The following GLI2 variants were observed in gnomAD, a reference collection of about 807,000 sequenced individuals.
GLI2 encodes the protein transcription activator GLI2.
In GLI2, 22 loss-of-function variants were observed where a neutral mutation model predicts 78.9. That is an observed-to-expected ratio of 0.28 (90% CI 0.20 to 0.40). The LOEUF (loss-of-function observed/expected upper bound fraction) is 0.40, where lower values mean the gene tolerates loss of function less well. Ranked by LOEUF, GLI2 falls within the 10% of genes least tolerant of loss-of-function variation. GLI2 has a pLI of 1.00. For synonymous variants in GLI2, 974 were observed against 963.7 expected (o/e 1.01, Z -0.20); for missense variants, 2,097 against 2,213.2 (o/e 0.95, Z 1.05).
chr2:120,957,890 G>A (rs115552043), intron 5 of GLI2, among the ~76,000 whole-genome samples: 4 of 152,206 alleles, frequency 2.6e-5, no homozygotes, highest in Non-Finnish European at 4.4e-5. Context: ...AGCATCTAGC[G>A]GCTTGACCCA....
In GLI2 at chr2:120,812,113, G is replaced by A. The variant is rs373687548; in HGVS notation, c.148+14645G>A. Among the ~76,000 whole-genome samples the A allele has an allele frequency of 1.2e-4, 18 of 152,282 alleles. No individual in the cohort carries two copies. In the East Asian group the frequency reaches 2.7e-3, roughly 23 times the overall value. ...CTTGAGACAGGAACACTTTTCCCAG[G>A]GTTGTTGAAGCCACTGTCTCTCTCA... On this transcript the variant is annotated intron_variant, in intron 2 of 13. Coordinates refer to ENST00000361492, the MANE Select transcript of GLI2 (RefSeq NM_001374353.1).
chr2:120,990,263 A>G lies in GLI2; in HGVS notation c.4298A>G (p.Gln1433Arg). 1.2e-6 allele frequency: 2 copies of G among 1,613,732 alleles called. No individual in the cohort carries two copies. Among genetic ancestry groups the G allele is most frequent in the Non-Finnish European group, 8.5e-7 (1 of 1,180,024 alleles). Reference sequence around the variant, plus strand: ...CACAGCATGCTCTACTACTACGGCCAGATCCACATGTACGAACAGGATGGA... The same window carrying G: ...CACAGCATGCTCTACTACTACGGCCGGATCCACATGTACGAACAGGATGGA... ...PDHSMLYYYG[Q>R]IHMYEQDGGL... The change falls in exon 14 of 14, where the codon CAG (glutamine) becomes CGG (arginine). Residue 1433 changes from glutamine to arginine, a missense_variant. Gln to Arg is a conservative substitution (Grantham distance 43). Transcript: ENST00000361492.
intron 1 of GLI2, among the ~76,000 whole-genome samples, chr2:120,768,895 T>C (rs1683446929): frequency 6.6e-6 from 1 of 152,164 alleles, no homozygotes; most frequent in Non-Finnish European, 1.5e-5. Context: ...ATGGGCTCTC[T>C]GGAAGGGTGG....
intron 1 of GLI2, among the ~76,000 whole-genome samples, chr2:120,778,367 T>G (rs1199759761): frequency 3.3e-5 from 5 of 152,104 alleles, no homozygotes; most frequent in Non-Finnish European, 5.9e-5. Context: ...TGACTCAGAG[T>G]GCTCCCATCG....
At chr2:120,850,523 C>T (rs1194069392) in intron 2 of GLI2, among the ~76,000 whole-genome samples, 1 of 152,146 alleles carries the variant, frequency 6.6e-6, no homozygotes, top group Non-Finnish European at 1.5e-5. Flanking sequence ...AAGCATTTAC[C>T]TTCTGTATAT....
intron 2 of GLI2, among the ~76,000 whole-genome samples, chr2:120,886,551 A>G (rs1477895105): frequency 6.6e-6 from 1 of 152,110 alleles, no homozygotes; most frequent in Admixed American, 6.5e-5. Context: ...ACAGGCATGA[A>G]CCACTGGGCA....
intron 2 of GLI2, among the ~76,000 whole-genome samples, chr2:120,885,168 C>T (rs112188066): frequency 1.2e-3 from 189 of 152,348 alleles, no homozygotes; most frequent in African/African-American, 4.2e-3. Context: ...AGAGATCTCC[C>T]TTCTGCACAT....
At chr2:120,780,893 T>C (rs1558792627) in intron 1 of GLI2, among the ~76,000 whole-genome samples, 2 of 152,198 alleles carry the variant, frequency 1.3e-5, no homozygotes, top group East Asian at 3.9e-4. Context: ...ACCAGTGAGG[T>C]GACCCCACCC....
At chr2:120,742,243 C>T (rs1298608653) in intron 1 of GLI2, among the ~76,000 whole-genome samples, 2 of 152,192 alleles carry the variant, frequency 1.3e-5, no homozygotes, top group Non-Finnish European at 2.9e-5. Flanking sequence ...CTCTTCCATT[C>T]GTCTTGACCT....
intron 1 of GLI2, among the ~76,000 whole-genome samples, chr2:120,764,750 G>C (rs1332963036): frequency 1.3e-5 from 2 of 152,202 alleles, no homozygotes; most frequent in East Asian, 3.9e-4. Context: ...CGAAGACTCT[G>C]AAAAATCCTG....
At chr2:120,906,377 G>A (rs569035886) in intron 2 of GLI2, among the ~76,000 whole-genome samples, 222 of 152,246 alleles carry the variant, frequency 1.5e-3, no homozygotes, top group African/African-American at 5.1e-3. Flanking sequence ...TGGACTCCAG[G>A]CAGGCTGGAA....
intron 3 of GLI2, among the ~76,000 whole-genome samples, chr2:120,941,625 G>C (rs1006327612): frequency 2.0e-5 from 3 of 152,226 alleles, no homozygotes; most frequent in Admixed American, 2.0e-4. Context: ...TTTCCAGCAG[G>C]TCAGTGGGCC....
chr2:120,816,130 G>A (rs987942587), intron 2 of GLI2, among the ~76,000 whole-genome samples: 1 of 151,526 alleles, frequency 6.6e-6, no homozygotes, highest in Non-Finnish European at 1.5e-5. Context: ...TACAGTAGCA[G>A]TTCCAAACCT....
chr2:120,900,751 C>T (rs1643981628), intron 2 of GLI2, among the ~76,000 whole-genome samples: 1 of 152,166 alleles, frequency 6.6e-6, no homozygotes, highest in Non-Finnish European at 1.5e-5. Flanking sequence ...ATCCAAAAAT[C>T]GGAGGTCAGT....
At chr2:120,739,435 CT>C (rs980797523) in intron 1 of GLI2, among the ~76,000 whole-genome samples, 3 of 152,206 alleles carry the variant, frequency 2.0e-5, no homozygotes, top group African/African-American at 7.2e-5. Flanking sequence ...GTCCTACATC[CT>C]TGTGTACTCT....
intron 2 of GLI2, among the ~76,000 whole-genome samples, chr2:120,823,927 C>T (rs916915672): frequency 3.9e-5 from 6 of 152,198 alleles, no homozygotes; most frequent in African/African-American, 1.2e-4. Context: ...GTGTAATTTG[C>T]CGTATTCCTG....
chr2:120,909,067 G>C (rs750687796), intron 2 of GLI2, among the ~76,000 whole-genome samples: 35 of 152,122 alleles, frequency 2.3e-4, no homozygotes, highest in Non-Finnish European at 4.9e-4. Flanking sequence ...AGGCTGTGAG[G>C]CTCCCCCAGT....
intron 6 of GLI2, 93 bp from the exon 7 acceptor site, chr2:120,970,300 T>C: frequency 1.4e-6 from 1 of 730,934 alleles, no homozygotes; most frequent in Non-Finnish European, 2.5e-6. Context: ...CTCATCCCTA[T>C]CCCCTGGGCA....
At chr2:120,914,982 G>A (rs1558878948) in intron 2 of GLI2, among the ~76,000 whole-genome samples, 1 of 152,226 alleles carries the variant, frequency 6.6e-6, no homozygotes, top group Non-Finnish European at 1.5e-5. Flanking sequence ...CAGATCCCAT[G>A]ACTGCCTGGC....
Sources: gnomAD v4.1 joint callset for allele counts (sites outside exome capture counted in the v4.1 genomes callset) on GRCh38, gnomAD v4.1.1 for gene constraint, MANE v1.5 for transcripts, NCBI Gene and HGNC (gene_info 2026-07-23, HGNC 2026-07-21) for gene names.